The following APC2 variants were observed in gnomAD, a reference collection of about 807,000 sequenced individuals.
APC2 encodes adenomatous polyposis coli protein 2.
A neutral mutation model predicts 72.5 loss-of-function variants in APC2; 41 were observed. The observed-to-expected ratio is 0.57, with a 90% CI of 0.44 to 0.73. The LOEUF (loss-of-function observed/expected upper bound fraction) is 0.73, where lower values mean the gene tolerates loss of function less well. APC2 is among the 30% of genes least tolerant of loss of function. The probability of loss-of-function intolerance (pLI) is 0.00; values close to 1 mark genes in which losing one functional copy is unlikely to be tolerated. For missense variants in APC2, 3,729 were observed against 3,403.4 expected, an observed-to-expected ratio of 1.10 and a Z score of -2.38; for synonymous variants, 1,898 against 1,612.0, an observed-to-expected ratio of 1.18 and a Z score of -4.25.
Position 1,469,835 on chromosome 19 carries a change from G to A in APC2, c.6534G>A (p.Pro2178=), listed in dbSNP as rs2084102388. ...GGGGCTCCACGCCCGAGGACGCCCC[G>A]GCCGGGCCCCCGCCGCGCAAGACCA... ...PLRGSTPEDA[P]AGPPPRKTSD... is the part of the protein sequence containing the mutation. Residue 2178 remains proline (P), a synonymous_variant, in exon 15 of 15, where the codon CCG becomes CCA. Coordinates refer to ENST00000590469, the MANE Select transcript of APC2 (RefSeq NM_005883.3). The A allele has an allele frequency of 1.3e-6, 2 of 1,519,636 alleles. No homozygotes were observed. The highest frequency in any genetic ancestry group is 1.4e-5 in the African/African-American group (1 of 70,276). The allele number at this position is 1,519,636 out of a possible 1,614,324, so 94.1% of individuals were successfully genotyped here.
At position 1,469,327 on chromosome 19, in the gene APC2, C is replaced by A; in HGVS notation, c.6026C>A (p.Ser2009Tyr). 7.1e-7 allele frequency: 1 copy of A among 1,408,294 alleles called. No individual in the cohort carries two copies. The highest frequency in any genetic ancestry group is 9.3e-7 in the Non-Finnish European group (1 of 1,077,488). 87.2% of individuals were successfully genotyped at this position (1,408,294 alleles called of 1,614,324 possible). A position where few individuals can be genotyped will look rare whatever the true frequency, so the allele number is the denominator to read the frequency against. The change falls in exon 15 of 15, where the codon TCC (serine) becomes TAC (tyrosine). Residue 2009 changes from serine to tyrosine, a missense_variant. Physicochemically the swap from Ser to Tyr is moderately radical, Grantham distance 144. Coordinates refer to ENST00000590469, the MANE Select transcript of APC2 (RefSeq NM_005883.3). ...TCGCCGGGCTTGCGGCGCCGCCGCTCCGAGCTGTCCTCGGCCGAGTCCGCG... is the reference window on the plus strand; with the variant it reads ...TCGCCGGGCTTGCGGCGCCGCCGCTACGAGCTGTCCTCGGCCGAGTCCGCG... The part of the protein sequence containing the change: ...KESPGLRRRR[S>Y]ELSSAESAAS...
At chr19:1,453,935 G>A (rs1000777058) in intron 4 of APC2, among the ~76,000 whole-genome samples, 9 of 152,206 alleles carry the variant, frequency 5.9e-5, no homozygotes, top group Admixed American at 4.6e-4. Context: ...GGCTGTGTCC[G>A]GTGCCAGGGC....
Position 1,468,522 on chromosome 19 carries a change from G to T in APC2, c.5221G>T (p.Ala1741Ser), listed in dbSNP as rs2084068039. 1 of 1,602,976 alleles carries T rather than the reference G, an allele frequency of 6.2e-7. No homozygotes were observed. Among genetic ancestry groups the T allele is most frequent in the African/African-American group, 1.3e-5 (1 of 74,750 alleles). ...CCCCAAGCACAGGAAGGGACGACAG[G>T]CGGAGGGAGAAATGGGCAGTGCCCG... ...QPPKHRKGRQ[A>S]EGEMGSARRP... The change falls in exon 15 of 15, where the codon GCG (alanine) becomes TCG (serine). Residue 1741 changes from alanine to serine, a missense_variant. By Grantham distance (99) the Ala-to-Ser change is moderately conservative (BLOSUM62 1). Coordinates refer to ENST00000590469, the MANE Select transcript of APC2 (RefSeq NM_005883.3).
chr19:1,466,589 C>T lies in APC2; in HGVS notation c.3288C>T (p.Ser1096=), dbSNP rs1215595389. Residue 1096 remains serine, a synonymous_variant, in exon 15 of 15, where the codon TCC becomes TCT. Transcript: ENST00000590469. ...GTGACCTGGATGACAGTGACTCCTC[C>T]CTGGAGGGGCTGGAGGAGGCCGGCC... ...EGGDLDDSDS[S]LEGLEEAGPS... 2 of 1,565,980 alleles carry T rather than the reference C, an allele frequency of 1.3e-6. No individual in the cohort carries two copies. Among genetic ancestry groups the T allele is most frequent in the Non-Finnish European group, 8.6e-7 (1 of 1,162,722 alleles).
chr19:1,452,873 A>G lies in APC2; in HGVS notation c.-18-111A>G. The G allele has an allele frequency of 7.5e-7, 1 of 1,331,758 alleles. No individual in the cohort carries two copies. Among genetic ancestry groups the G allele is most frequent in the Non-Finnish European group, 1.0e-6 (1 of 989,304 alleles). 82.5% of individuals were successfully genotyped at this position (1,331,758 alleles called of 1,614,324 possible). A position where few individuals can be genotyped will look rare whatever the true frequency, so the allele number is the denominator to read the frequency against. ...TGACTCCTGCCTGAGACCCCCCCCA[A>G]CCCAGGATCAGGCAGGACGGCTGGG... On this transcript the variant is annotated intron_variant, in intron 1 of 14. Transcript: ENST00000590469. The surrounding 1 kb of genome is among the most constrained non-coding windows in gnomAD (Gnocchi z 5.1).
At chr19:1,459,235 T>G (rs139089705) in intron 10 of APC2, among the ~76,000 whole-genome samples, 6 of 152,060 alleles carry the variant, frequency 3.9e-5, no homozygotes, top group African/African-American at 7.2e-5. Flanking sequence ...GACAGGGTCT[T>G]GCTCTGTTGC....
intron 14 of APC2, among the ~76,000 whole-genome samples, chr19:1,462,655 CAAAAAAAAA>C (rs34103912): frequency 0.012 from 293 of 24,924 alleles, 4 homozygotes; most frequent in Middle Eastern, 0.036. Flanking sequence ...AACTTCATCT[CAAAAAAAAA>C]AAAAAAAAAA....
rs1439759824 is a variant in APC2, at chr19:1,469,818, A to C, written c.6517A>C (p.Thr2173Pro). Residue 2173 changes from threonine (T) to proline (P), a missense_variant, in exon 15 of 15, where the codon ACG (threonine) becomes CCG (proline). Coordinates refer to ENST00000590469, the MANE Select transcript of APC2 (RefSeq NM_005883.3). ...PATALPLRGSTPEDAPAGPPP... is the reference protein window; with the variant it reads ...PATALPLRGSPPEDAPAGPPP... ...CACGGCCCTGCCACTGCGGGGCTCC[A>C]CGCCCGAGGACGCCCCGGCCGGGCC... The C allele has an allele frequency of 6.6e-7, 1 of 1,517,568 alleles. No individual in the cohort carries two copies. The highest frequency in any genetic ancestry group is 8.8e-7 in the Non-Finnish European group (1 of 1,140,326). The allele number at this position is 1,517,568 out of a possible 1,614,324, so 94.0% of individuals were successfully genotyped here.
upstream of APC2, among the ~76,000 whole-genome samples, chr19:1,448,883 A>C (rs569058752): frequency 1.3e-5 from 2 of 152,132 alleles, no homozygotes; most frequent in Admixed American, 6.5e-5. Flanking sequence ...GAAAAAAGAA[A>C]AGATCCCCTG....
rs1044461742 is a variant in APC2 at position 1,472,952 on chromosome 19, C to T, written c.*2739C>T. The T allele has an allele frequency of 3.3e-5, 5 of 152,252 alleles. No individual in the cohort carries two copies. Among genetic ancestry groups the T allele is most frequent in the Non-Finnish European group, 5.9e-5 (4 of 68,092 alleles). The allele number at this position is 152,252 out of a possible 1,614,324, so 9.4% of individuals were successfully genotyped here. A position where few individuals can be genotyped will look rare whatever the true frequency, so the allele number is the denominator to read the frequency against. ...CATGACCACACGTGGGTGCTGAACT[C>T]GGGGCGCCGTGCCCACCGGCATGGT... On this transcript the variant is annotated 3_prime_UTR_variant, in exon 15 of 15. Transcript: ENST00000590469.
chr19:1,470,148 G>A lies in APC2; in HGVS notation c.6847G>A (p.Ala2283Thr), dbSNP rs202013039. ...FNYVPSPMVV[A>T]ATTDSAAEKA... ...CTATGTGCCCAGCCCCATGGTGGTC[G>A]CAGCCACCACCGACTCGGCCGCGGA... is the stretch of plus-strand genomic sequence containing the variant. Residue 2283 changes from alanine to threonine, a missense_variant, in exon 15 of 15, where the codon GCA becomes ACA. By Grantham distance (58) the Ala-to-Thr change is moderately conservative. Transcript: ENST00000590469. The A allele has an allele frequency of 3.2e-5, 51 of 1,604,192 alleles. No homozygotes were observed. The highest frequency in any genetic ancestry group is 2.2e-5 in the South Asian group (2 of 90,204).
In APC2 at chr19:1,465,854, G is replaced by C. The variant is rs1469589869; in HGVS notation, c.2553G>C (p.Val851=). 1.9e-6 allele frequency: 3 copies of C among 1,569,730 alleles called. No individual in the cohort carries two copies. Among genetic ancestry groups the C allele is most frequent in the Non-Finnish European group, 2.6e-6 (3 of 1,159,766 alleles). The change falls in exon 15 of 15, where the codon GTG becomes GTC. Residue 851 remains valine, a synonymous_variant. Coordinates refer to ENST00000590469, the MANE Select transcript of APC2 (RefSeq NM_005883.3). The part of the protein sequence containing the change: ...AKAKAKLALA[V]ARIDQLVEDI... The stretch of plus-strand genomic sequence containing the variant: ...CCAAGGCCAAGCTGGCGCTTGCAGT[G>C]GCGCGCATCGACCAGCTGGTGGAGG...
Position 1,465,687 on chromosome 19 carries a change from C to A in APC2, c.2386C>A (p.Pro796Thr). ...SLAAAAATGEPASPAALSLFL... is the reference protein window; with the variant it reads ...SLAAAAATGETASPAALSLFL... ...GGCTGCGGCCGCGGCCACCGGGGAGCCAGCCAGCCCTGCCGCGCTGTCCCT... is the reference window on the plus strand; with the variant it reads ...GGCTGCGGCCGCGGCCACCGGGGAGACAGCCAGCCCTGCCGCGCTGTCCCT... The change falls in exon 15 of 15, where the codon CCA becomes ACA. Residue 796 changes from proline to threonine, a missense_variant. Physicochemically the swap from Pro to Thr is conservative, Grantham distance 38 (BLOSUM62 -1). Transcript: ENST00000590469. The A allele has an allele frequency of 1.3e-6, 2 of 1,592,262 alleles. No homozygotes were observed. The highest frequency in any genetic ancestry group is 1.3e-5 in the African/African-American group (1 of 74,376).
intron 9 of APC2, chr19:1,457,764 C>A: frequency 1.7e-6 from 1 of 605,578 alleles, no homozygotes; most frequent in Non-Finnish European, 3.0e-6. Context: ...AACTACCTCG[C>A]CTCCCTTCCC....
Position 1,467,015 on chromosome 19 carries a change from G to T in APC2, c.3714G>T (p.Lys1238Asn). The change falls in exon 15 of 15, where the codon AAG (lysine) becomes AAT (asparagine). Residue 1238 changes from lysine to asparagine, a missense_variant. Lys to Asn is a moderately conservative substitution (Grantham distance 94, BLOSUM62 0). Coordinates refer to ENST00000590469, the MANE Select transcript of APC2 (RefSeq NM_005883.3). ...QFSLQWESYV[K>N]RFLDIADCRE... ...GCCTGCAGTGGGAGAGCTACGTGAA[G>T]CGCTTCCTGGACATCGCCGACTGCC... 6.2e-7 allele frequency: 1 copy of T among 1,610,706 alleles called. No individual in the cohort carries two copies. The highest frequency in any genetic ancestry group is 8.5e-7 in the Non-Finnish European group (1 of 1,179,218).
chr19:1,456,876 G>T lies in APC2; in HGVS notation c.840G>T (p.Leu280Phe). 3 of 1,595,460 alleles carry T rather than the reference G, an allele frequency of 1.9e-6. No individual in the cohort carries two copies. The highest frequency in any genetic ancestry group is 2.5e-6 in the Non-Finnish European group (3 of 1,176,666). ...NSKVEVVFWL[L>F]SMLATRDQED... Reference sequence around the variant, plus strand: ...AGGTGGAGGTGGTCTTCTGGCTGTTGTCCATGTTGGCGACGCGCGACCAGG... The same window carrying T: ...AGGTGGAGGTGGTCTTCTGGCTGTTTTCCATGTTGGCGACGCGCGACCAGG... The change falls in exon 9 of 15, where the codon TTG becomes TTT. Residue 280 changes from leucine to phenylalanine, a missense_variant. By Grantham distance (22) the Leu-to-Phe change is conservative. Coordinates refer to ENST00000590469, the MANE Select transcript of APC2 (RefSeq NM_005883.3).
In APC2 at chr19:1,468,587, C is replaced by G. The variant is rs773276070; in HGVS notation, c.5286C>G (p.Ser1762Arg). 5.6e-6 allele frequency: 9 copies of G among 1,598,782 alleles called. No individual in the cohort carries two copies. The Admixed American group carries it at 1.5e-4, about 27-fold the overall frequency. Residue 1762 changes from serine (S) to arginine (R), a missense_variant, in exon 15 of 15, where the codon AGC (serine) becomes AGG (arginine). By Grantham distance (110) the Ser-to-Arg change is moderately radical. Transcript: ENST00000590469. Reference protein sequence around the residue: ...EKRGAASVKTSGSPRSPAGPE... With the variant: ...EKRGAASVKTRGSPRSPAGPE... ...GGGGCGCAGCCTCAGTCAAGACCAG[C>G]GGGAGCCCCCGTTCCCCTGCAGGCC...
At chr19:1,451,741 A>C (rs1460153130) in intron 1 of APC2, 1 of 152,404 alleles carries the variant, frequency 6.6e-6, no homozygotes, top group East Asian at 1.9e-4. Context: ...CAGACCAAGA[A>C]GGAGCCGGAT....
chr19:1,464,386 T>C (rs1391064232), intron 14 of APC2, among the ~76,000 whole-genome samples: 2 of 151,620 alleles, frequency 1.3e-5, no homozygotes, highest in African/African-American at 2.4e-5. Flanking sequence ...ATGTTATTTA[T>C]GAAAACACAA....
Sources: allele counts gnomAD v4.1 joint callset (sites outside exome capture counted in the v4.1 genomes callset), GRCh38; gene constraint gnomAD v4.1.1; non-coding constraint Gnocchi (gnomAD v3.1); transcripts MANE v1.5; gene names NCBI Gene and HGNC (gene_info 2026-07-23, HGNC 2026-07-21).